CPNE8: variants seen among roughly 807,000 people sequenced by gnomAD.
CPNE8 encodes copine 8, also known as copine-8.
A neutral mutation model predicts 81.5 loss-of-function variants in CPNE8; 45 were observed. That is an observed-to-expected ratio of 0.55 (90% CI 0.44 to 0.71). CPNE8 has a LOEUF of 0.71. Ranked by LOEUF, CPNE8 falls within the 30% of genes least tolerant of loss-of-function variation. The pLI, the probability that CPNE8 is intolerant of heterozygous loss-of-function variation, is 0.00. For synonymous variants in CPNE8, 252 were observed against 226.3 expected, an observed-to-expected ratio of 1.11 and a Z score of -1.02; for missense variants, 594 against 672.1, an observed-to-expected ratio of 0.88 and a Z score of 1.28.
intron 4 of CPNE8, among the ~76,000 whole-genome samples, chr12:38,848,176 T>C (rs1171625493): frequency 1.3e-5 from 2 of 152,196 alleles, no homozygotes; most frequent in Non-Finnish European, 2.9e-5. Flanking sequence ...ATGGAAGCCA[T>C]AGTTAGGCAG....
chr12:38,809,434 A>G (rs1476326353), intron 6 of CPNE8, among the ~76,000 whole-genome samples: 1 of 152,180 alleles, frequency 6.6e-6, no homozygotes, highest in Non-Finnish European at 1.5e-5. Flanking sequence ...TATTAGGTGT[A>G]CCTACATAGA....
intron 2 of CPNE8, 56 bp downstream of exon 2, chr12:38,874,415 C>G (rs1565657726): frequency 7.7e-7 from 1 of 1,291,694 alleles, no homozygotes. Context: ...CTATGAGTTT[C>G]CTACAACTTT....
intron 18 of CPNE8, among the ~76,000 whole-genome samples, chr12:38,671,610 A>G (rs1277528228): frequency 6.6e-6 from 1 of 152,148 alleles, no homozygotes; most frequent in East Asian, 1.9e-4. Flanking sequence ...TCTATTACTG[A>G]TAATTCATTT....
rs185654537 is a variant in CPNE8 at position 38,846,374 on chromosome 12, G to T, written c.290+2185C>A. 1.4e-3 allele frequency among the ~76,000 whole-genome samples: 214 copies of T among 152,238 alleles called. 1 individual carries two copies. The highest frequency in any genetic ancestry group is 4.9e-3 in the African/African-American group (202 of 41,544). The stretch of plus-strand genomic sequence containing the variant: ...ATGTCCAAAAAACTAAGAGAAGGTT[G>T]GGAGTTTTATTAGAAAGAGAAAAGC... On this transcript the variant is annotated intron_variant, in intron 4 of 19. Transcript: ENST00000331366.
intron 15 of CPNE8, among the ~76,000 whole-genome samples, chr12:38,690,654 G>A (rs1028667318): frequency 6.6e-6 from 1 of 151,880 alleles, no homozygotes; most frequent in Non-Finnish European, 1.5e-5. Flanking sequence ...TAAATGTGGA[G>A]GTAGGAAAAG....
At chr12:38,867,166 C>A (rs1943926167) in intron 3 of CPNE8, among the ~76,000 whole-genome samples, 1 of 152,030 alleles carries the variant, frequency 6.6e-6, no homozygotes. Flanking sequence ...GCCCTGAACA[C>A]CTTTTAAGAA....
chr12:38,826,911 T>C (rs1943203953), intron 6 of CPNE8, among the ~76,000 whole-genome samples: 1 of 151,370 alleles, frequency 6.6e-6, no homozygotes. Flanking sequence ...GGCTCACGCC[T>C]GTAATCCCAG....
intron 13 of CPNE8, among the ~76,000 whole-genome samples, chr12:38,704,261 T>C (rs1165414880): frequency 1.3e-5 from 2 of 152,104 alleles, no homozygotes; most frequent in Non-Finnish European, 2.9e-5. Context: ...AAAATAAAAG[T>C]TGGAAAAAGA....
At chr12:38,787,786 C>T (rs985747648) in intron 6 of CPNE8, among the ~76,000 whole-genome samples, 1 of 151,262 alleles carries the variant, frequency 6.6e-6, no homozygotes, top group Non-Finnish European at 1.5e-5. Flanking sequence ...TGCAGAAATT[C>T]AAAGAATCAT....
At chr12:38,676,123 A>G (rs1939283557) in intron 17 of CPNE8, 3 of 420,178 alleles carry the variant, frequency 7.1e-6, no homozygotes, top group Non-Finnish European at 3.2e-6. Flanking sequence ...CTAAAAAAAA[A>G]AAAAAATTAA....
At chr12:38,834,393 A>G (rs552658915) in intron 5 of CPNE8, among the ~76,000 whole-genome samples, 13 of 152,128 alleles carry the variant, frequency 8.5e-5, no homozygotes, top group African/African-American at 2.7e-4. Flanking sequence ...CTTCTCCCCA[A>G]TGTACCTCAT....
intron 6 of CPNE8, among the ~76,000 whole-genome samples, chr12:38,815,895 G>A (rs1943015820): frequency 2.0e-5 from 3 of 152,088 alleles, no homozygotes; most frequent in African/African-American, 7.2e-5. Context: ...TCAACCTCTG[G>A]AGATTCAGAT....
At chr12:38,840,433 G>C (rs1312518839) in intron 4 of CPNE8, among the ~76,000 whole-genome samples, 1 of 152,100 alleles carries the variant, frequency 6.6e-6, no homozygotes, top group East Asian at 1.9e-4. Flanking sequence ...TTGTGATATT[G>C]CAAGATGTTG....
chr12:38,906,699 C>G, upstream of CPNE8: 4 of 695,018 alleles, frequency 5.8e-6, no homozygotes, highest in Non-Finnish European at 7.1e-6. Context: ...CGGAGGTAGA[C>G]GAGGCGCCCC....
At chr12:38,865,683 G>A (rs1275991543) in intron 3 of CPNE8, among the ~76,000 whole-genome samples, 3 of 151,978 alleles carry the variant, frequency 2.0e-5, no homozygotes, top group African/African-American at 7.2e-5. Flanking sequence ...TGGTTACCTG[G>A]GTGTGTTTAC....
intron 7 of CPNE8, among the ~76,000 whole-genome samples, chr12:38,768,817 T>C (rs1941743469): frequency 6.6e-6 from 1 of 152,134 alleles, no homozygotes; most frequent in Non-Finnish European, 1.5e-5. Flanking sequence ...TTGTGTGTTT[T>C]TTAACTGAAC....
At chr12:38,899,451 G>A (rs1455070561) in intron 1 of CPNE8, among the ~76,000 whole-genome samples, 1 of 152,130 alleles carries the variant, frequency 6.6e-6, no homozygotes, top group African/African-American at 2.4e-5. Context: ...CTCTACAACT[G>A]TGAGAAATAA....
intron 15 of CPNE8, among the ~76,000 whole-genome samples, chr12:38,691,545 T>G (rs759187448): frequency 6.6e-6 from 1 of 152,018 alleles, no homozygotes; most frequent in Non-Finnish European, 1.5e-5. Flanking sequence ...AGTAATATAA[T>G]CATTAGAGAT....
intron 10 of CPNE8, among the ~76,000 whole-genome samples, chr12:38,740,857 T>C (rs1260972551): frequency 6.6e-6 from 1 of 152,162 alleles, no homozygotes; most frequent in Non-Finnish European, 1.5e-5. Context: ...TTCTCTTTTT[T>C]TGTTGTGTCT....
Sources: allele counts gnomAD v4.1 joint callset (sites outside exome capture counted in the v4.1 genomes callset), GRCh38; gene constraint gnomAD v4.1.1; transcripts MANE v1.5; gene names NCBI Gene and HGNC (gene_info 2026-07-23, HGNC 2026-07-21).